Variants in ROBO1 observed in about 807,000 individuals in gnomAD.
The protein encoded by ROBO1 is roundabout homolog 1.
ROBO1 carries 149 observed loss-of-function variants against 195.9 expected under a neutral mutation model. The ratio of observed to expected loss-of-function variants is 0.76; its 90% CI spans 0.67 to 0.87. The LOEUF is 0.87. ROBO1 is among the 40% of genes least tolerant of loss of function. The pLI is 0.00. For synonymous variants in ROBO1, 816 were observed against 733.2 expected (o/e 1.11, Z -1.82); for missense variants, 1,933 against 2,068.3 (o/e 0.93, Z 1.27).
At chr3:78,812,439 G>T (rs958218631) in intron 4 of ROBO1, among the ~76,000 whole-genome samples, 1 of 151,882 alleles carries the variant, frequency 6.6e-6, no homozygotes, top group South Asian at 2.1e-4. Flanking sequence ...TTTCTTTTTG[G>T]ATAATGGATA....
At chr3:78,957,664 T>C (rs1213659875) in intron 3 of ROBO1, among the ~76,000 whole-genome samples, 1 of 152,182 alleles carries the variant, frequency 6.6e-6, no homozygotes, top group South Asian at 2.1e-4. Flanking sequence ...AGTCATGCCC[T>C]GTGTGATCCT....
chr3:79,616,440 G>C (rs1944821710), intron 1 of ROBO1, among the ~76,000 whole-genome samples: 1 of 152,122 alleles, frequency 6.6e-6, no homozygotes, highest in African/African-American at 2.4e-5. Flanking sequence ...GGAGCTGTAG[G>C]ATCCCAAGAG....
intron 2 of ROBO1, among the ~76,000 whole-genome samples, chr3:79,293,447 T>C (rs2032382796): frequency 6.6e-6 from 1 of 152,214 alleles, no homozygotes. Context: ...GTCTTGCTTC[T>C]CTAGTTCTTT....
intron 1 of ROBO1, among the ~76,000 whole-genome samples, chr3:79,614,287 G>A (rs1346346310): frequency 6.6e-6 from 1 of 152,026 alleles, no homozygotes; most frequent in African/African-American, 2.4e-5. Context: ...ATGAAATGGA[G>A]TTTAAACAGA....
At chr3:79,340,874 G>A (rs564650604) in intron 2 of ROBO1, among the ~76,000 whole-genome samples, 63 of 152,284 alleles carry the variant, frequency 4.1e-4, no homozygotes, top group African/African-American at 1.4e-3. Context: ...GATTCAAAGT[G>A]CCTGATGTAG....
intron 2 of ROBO1, among the ~76,000 whole-genome samples, chr3:79,548,451 ATAGT>A (rs1176222239): frequency 6.6e-6 from 1 of 152,208 alleles, no homozygotes; most frequent in Non-Finnish European, 1.5e-5. Flanking sequence ...ATAAAATTAG[ATAGT>A]TAAAGTGGAA....
In ROBO1 at chr3:78,693,290, G is replaced by A. The variant is rs1375134723; in HGVS notation, c.1046-4518C>T. 29 of 1,547,964 alleles carry A rather than the reference G, an allele frequency of 1.9e-5. 1 individual carries two copies. Among genetic ancestry groups the A allele is most frequent in the Non-Finnish European group, 2.3e-5 (26 of 1,145,638 alleles). ...AAGGGTATGGATGGAAAGGGGAAGA[G>A]AAGTTCCAGTCACAGTGACACGGTG... On this transcript the variant is annotated intron_variant, in intron 8 of 30. Coordinates refer to ENST00000464233, the MANE Select transcript of ROBO1 (RefSeq NM_002941.4).
chr3:79,048,415 G>C (rs1014155970), intron 3 of ROBO1, among the ~76,000 whole-genome samples: 2 of 152,006 alleles, frequency 1.3e-5, no homozygotes, highest in African/African-American at 4.8e-5. Flanking sequence ...TCATCTGGTA[G>C]CCTCCCCTTT....
rs554550730 is a variant in ROBO1, at chr3:78,972,580, C to A, written c.173-33653G>T. Among the ~76,000 whole-genome samples the A allele has an allele frequency of 2.6e-3, 403 of 152,294 alleles. 2 individuals carry two copies. The highest frequency in any genetic ancestry group is 9.5e-3 in the African/African-American group (394 of 41,560). On this transcript the variant is annotated intron_variant, in intron 3 of 30. Coordinates refer to ENST00000464233, the MANE Select transcript of ROBO1 (RefSeq NM_002941.4). ...AGTGGGTGGCATTCCTAATTCCATT[C>A]ATGATTCGTTTTCTTTCATGGATTG...
chr3:78,817,369 G>A (rs912376557), intron 4 of ROBO1, among the ~76,000 whole-genome samples: 3 of 151,786 alleles, frequency 2.0e-5, no homozygotes, highest in Non-Finnish European at 2.9e-5. Context: ...ATAACAGTTC[G>A]GAACACATGA....
chr3:79,192,823 C>T (rs1277872798), intron 2 of ROBO1, among the ~76,000 whole-genome samples: 1 of 151,600 alleles, frequency 6.6e-6, no homozygotes, highest in Non-Finnish European at 1.5e-5. Context: ...GTTATCTACA[C>T]TTTGAAAAAT....
chr3:79,418,326 A>G (rs1266093266), intron 2 of ROBO1, among the ~76,000 whole-genome samples: 1 of 152,184 alleles, frequency 6.6e-6, no homozygotes, highest in Non-Finnish European at 1.5e-5. Flanking sequence ...GAGATGAACA[A>G]GAACTCAAAT....
At position 78,661,257 on chromosome 3, in the gene ROBO1, T is replaced by A; in HGVS notation, c.2093A>T (p.Asp698Val). Residue 698 changes from aspartate to valine, a missense_variant, in exon 16 of 31, where the codon GAT (aspartate) becomes GTT (valine). Transcript: ENST00000464233. ...TCCTTGTATATACTGAGACTGTTGATCTACCTATTAAAAAGACAAGTAAAA... is the reference window on the plus strand; with the variant it reads ...TCCTTGTATATACTGAGACTGTTGAACTACCTATTAAAAAGACAAGTAAAA... ...SSSIEVHWTV[D>V]QQSQYIQGYK... 1.3e-6 allele frequency: 2 copies of A among 1,526,098 alleles called. No individual in the cohort carries two copies. The highest frequency in any genetic ancestry group is 1.8e-6 in the Non-Finnish European group (2 of 1,126,160). 94.5% of individuals were successfully genotyped at this position (1,526,098 alleles called of 1,614,324 possible).
intron 3 of ROBO1, among the ~76,000 whole-genome samples, chr3:79,071,013 G>T (rs191103412): frequency 2.6e-5 from 4 of 151,800 alleles, no homozygotes; most frequent in South Asian, 2.1e-4. Context: ...ATTGTAAAAT[G>T]GTTAAATGCA....
chr3:79,496,757 A>T (rs376050408), intron 2 of ROBO1, among the ~76,000 whole-genome samples: 2 of 152,192 alleles, frequency 1.3e-5, no homozygotes, highest in African/African-American at 2.4e-5. Flanking sequence ...AAAATTATGG[A>T]GAAAATGTTA....
chr3:79,273,565 C>A (rs1239543930), intron 2 of ROBO1, among the ~76,000 whole-genome samples: 1 of 151,766 alleles, frequency 6.6e-6, no homozygotes, highest in Admixed American at 6.6e-5. Flanking sequence ...AAGATAAAAT[C>A]ACCTTCACAA....
chr3:78,739,666 G>A (rs941437970), intron 5 of ROBO1, among the ~76,000 whole-genome samples: 2 of 152,120 alleles, frequency 1.3e-5, no homozygotes, highest in South Asian at 2.1e-4. Flanking sequence ...GACCATTTCT[G>A]TGTCATCTTT....
At chr3:79,663,072 T>G (rs930933944) in intron 1 of ROBO1, among the ~76,000 whole-genome samples, 1 of 152,092 alleles carries the variant, frequency 6.6e-6, no homozygotes, top group African/African-American at 2.4e-5. Context: ...TGAAGTTATT[T>G]TCTTTATAAA....
At position 78,990,293 on chromosome 3, in the gene ROBO1, T is replaced by C. The variant is rs1038273705; in HGVS notation, c.173-51366A>G. On this transcript the variant is annotated intron_variant, in intron 3 of 30. Transcript: ENST00000464233. ...CTGTTTTTTGGCTAATATTCCACGA[T>C]GTTAAATTACAAATTTCCTCCAGCA... 2.6e-5 allele frequency among the ~76,000 whole-genome samples: 4 copies of C among 152,332 alleles called. No individual in the cohort carries two copies. In the East Asian group the frequency reaches 5.8e-4, roughly 22 times the overall value.
Sources: allele counts gnomAD v4.1 joint callset (sites outside exome capture counted in the v4.1 genomes callset), GRCh38; gene constraint gnomAD v4.1.1; transcripts MANE v1.5; gene names NCBI Gene and HGNC (gene_info 2026-07-23, HGNC 2026-07-21).